ARMC9: variants seen among roughly 807,000 people sequenced by gnomAD.
ARMC9 encodes the protein lisH domain-containing protein ARMC9.
A neutral mutation model predicts 107.0 loss-of-function variants in ARMC9; 94 were observed. That is an observed-to-expected ratio of 0.88 (90% CI 0.74 to 1.04). The LOEUF (loss-of-function observed/expected upper bound fraction) is 1.04, where lower values mean the gene tolerates loss of function less well. Ranked by LOEUF, ARMC9 falls within the 50% of genes least tolerant of loss-of-function variation. The pLI is 0.00. For synonymous variants in ARMC9, 380 were observed against 396.9 expected, an observed-to-expected ratio of 0.96 and a Z score of 0.51; for missense variants, 942 against 1,030.1, an observed-to-expected ratio of 0.91 and a Z score of 1.17.
chr2:231,360,826 G>A lies in ARMC9; in HGVS notation c.2204G>A (p.Gly735Glu). The part of the protein sequence containing the change: ...RQEEPRPAPT[G>E]TPRQPREAPQ... ...GAAGAGCCTCGCCCAGCCCCCACGG[G>A]GACCCCCCGCCAGCCAAGGGAGGCG... The change falls in exon 23 of 25, where the codon GGG becomes GAG. Residue 735 changes from glycine (G) to glutamate (E), a missense_variant. Physicochemically the swap from Gly to Glu is moderately conservative, Grantham distance 98. Transcript: ENST00000611582. This position sits in a 1 kb window ranked among gnomAD's most constrained non-coding sequence, Gnocchi z 4.7. The A allele has an allele frequency of 6.5e-7, 1 of 1,536,012 alleles. No individual in the cohort carries two copies. The highest frequency in any genetic ancestry group is 8.7e-7 in the Non-Finnish European group (1 of 1,146,848).
At chr2:231,365,727 G>T (rs2045788781) in intron 23 of ARMC9, among the ~76,000 whole-genome samples, 1 of 152,142 alleles carries the variant, frequency 6.6e-6, no homozygotes, top group Non-Finnish European at 1.5e-5. Context: ...CGCACACACA[G>T]CTCCCATGCC....
intron 12 of ARMC9, among the ~76,000 whole-genome samples, chr2:231,265,047 G>A (rs189997112): frequency 9.2e-5 from 14 of 152,026 alleles, no homozygotes; most frequent in Non-Finnish European, 1.9e-4. Flanking sequence ...GCAGTGAGCA[G>A]AGATGGCACC....
At chr2:231,328,210 A>G (rs1211773111) in intron 19 of ARMC9, among the ~76,000 whole-genome samples, 1 of 152,136 alleles carries the variant, frequency 6.6e-6, no homozygotes, top group Non-Finnish European at 1.5e-5. Flanking sequence ...CTCCCTGGTG[A>G]AATGTCTCTT....
At chr2:231,288,662 C>T (rs1327223534) in intron 17 of ARMC9, 1 of 471,152 alleles carries the variant, frequency 2.1e-6, no homozygotes, top group South Asian at 1.5e-5. Context: ...CCTCAAAGGT[C>T]CCCTGAAGGA....
At chr2:231,368,439 G>A (rs1450120091) in intron 23 of ARMC9, among the ~76,000 whole-genome samples, 1 of 152,102 alleles carries the variant, frequency 6.6e-6, no homozygotes, top group Non-Finnish European at 1.5e-5. Context: ...TCAATCAGAA[G>A]AAATAATACC....
At chr2:231,326,047 C>T (rs2043296474) in intron 19 of ARMC9, among the ~76,000 whole-genome samples, 1 of 152,170 alleles carries the variant, frequency 6.6e-6, no homozygotes, top group African/African-American at 2.4e-5. Context: ...CTATAGCCCT[C>T]CCTCCCATTA....
rs1360411138 is a variant in ARMC9, at chr2:231,297,357, C to T, written c.1773+1104C>T. Among the ~76,000 whole-genome samples the T allele has an allele frequency of 6.6e-6, 1 of 152,160 alleles. No homozygotes were observed. The highest frequency in any genetic ancestry group is 1.5e-5 in the Non-Finnish European group (1 of 68,022). ...AAAGGTGGAGGCAGAGGGAAAAACA[C>T]CAGCTTGAGCTCACACAGAGAGTTG... On this transcript the variant is annotated intron_variant, in intron 19 of 24. Coordinates refer to ENST00000611582, the MANE Select transcript of ARMC9 (RefSeq NM_001352754.2). The surrounding 1 kb of genome is among the most constrained non-coding windows in gnomAD (Gnocchi z 4.2).
intron 19 of ARMC9, among the ~76,000 whole-genome samples, chr2:231,317,231 C>T (rs1575062378): frequency 1.3e-5 from 2 of 151,570 alleles, no homozygotes; most frequent in Non-Finnish European, 2.9e-5. Flanking sequence ...AGCTCAATGG[C>T]GCAATCGTGG....
rs1208556248 is a variant in ARMC9 at position 231,203,386 on chromosome 2, T to C, written c.-41-2812T>C. ...CCACAACTAACTGGTCTGCAGATTG[T>C]GCCTCTTCTGCCTTTTCCATCTGGA... On this transcript the variant is annotated intron_variant, in intron 1 of 24. Coordinates refer to ENST00000611582, the MANE Select transcript of ARMC9 (RefSeq NM_001352754.2). Among the ~76,000 whole-genome samples, 5 of 152,200 alleles carry C rather than the reference T, an allele frequency of 3.3e-5. No homozygotes were observed. In the East Asian group the frequency reaches 9.6e-4, roughly 29 times the overall value.
At chr2:231,221,544 T>C (rs770462214) in intron 5 of ARMC9, among the ~76,000 whole-genome samples, 1 of 151,746 alleles carries the variant, frequency 6.6e-6, no homozygotes, top group Admixed American at 6.6e-5. Flanking sequence ...ATAAGAACTC[T>C]CTGGTCGGGC....
At chr2:231,316,387 G>A (rs767928909) in intron 19 of ARMC9, among the ~76,000 whole-genome samples, 14 of 151,944 alleles carry the variant, frequency 9.2e-5, no homozygotes, top group Admixed American at 3.9e-4. Flanking sequence ...TTGGCAGGGC[G>A]CAGTGGTTCA....
At chr2:231,259,525 C>T (rs915445493) in intron 11 of ARMC9, among the ~76,000 whole-genome samples, 3 of 152,170 alleles carry the variant, frequency 2.0e-5, no homozygotes, top group African/African-American at 4.8e-5. Context: ...GTGTCCTGGT[C>T]CCCATCGCTA....
chr2:231,320,697 C>G (rs2042949310), intron 19 of ARMC9, among the ~76,000 whole-genome samples: 2 of 152,244 alleles, frequency 1.3e-5, no homozygotes, highest in South Asian at 4.1e-4. Context: ...AAAGCCAAGG[C>G]TGGGACCTGT....
chr2:231,240,727 T>C (rs2036217430), intron 9 of ARMC9, among the ~76,000 whole-genome samples: 1 of 152,194 alleles, frequency 6.6e-6, no homozygotes, highest in African/African-American at 2.4e-5. Context: ...CCAATTTTGG[T>C]AGTTGAGTCA....
chr2:231,211,698 CT>C (rs528259219), intron 3 of ARMC9, among the ~76,000 whole-genome samples: 12 of 152,252 alleles, frequency 7.9e-5, no homozygotes, highest in Admixed American at 3.3e-4. Flanking sequence ...AGTGGTTATA[CT>C]ATTTTCCATT....
intron 19 of ARMC9, among the ~76,000 whole-genome samples, chr2:231,301,408 T>C (rs1441312433): frequency 6.6e-6 from 1 of 152,174 alleles, no homozygotes; most frequent in Non-Finnish European, 1.5e-5. Flanking sequence ...AGATTGCTCT[T>C]TTCAAAGGCT....
intron 16 of ARMC9, among the ~76,000 whole-genome samples, chr2:231,279,511 C>CTTTTTTTTT (rs57779512): frequency 1.2e-4 from 15 of 124,804 alleles, no homozygotes; most frequent in African/African-American, 2.6e-4. Flanking sequence ...TTTCTTTTTT[C>CTTTTTTTTT]TTTTTTTTTT....
At chr2:231,221,300 ACATATTGGATTAAGGT>A (rs2034101231) in intron 5 of ARMC9, among the ~76,000 whole-genome samples, 1 of 151,984 alleles carries the variant, frequency 6.6e-6, no homozygotes, top group Non-Finnish European at 1.5e-5. Flanking sequence ...TCTTGTAAGG[ACATATTGGATTAAGGT>A]CATATTGGAT....
intron 9 of ARMC9, among the ~76,000 whole-genome samples, chr2:231,254,864 C>T (rs2037622339): frequency 6.6e-6 from 1 of 152,036 alleles, no homozygotes; most frequent in African/African-American, 2.4e-5. Context: ...TATTCCCTGC[C>T]CCCACCCTGG....
Sources: gnomAD v4.1 joint callset for allele counts (sites outside exome capture counted in the v4.1 genomes callset) on GRCh38, gnomAD v4.1.1 for gene constraint, Gnocchi (gnomAD v3.1) non-coding constraint, MANE v1.5 for transcripts, NCBI Gene and HGNC (gene_info 2026-07-23, HGNC 2026-07-21) for gene names.